Variants in MECOM observed in about 807,000 individuals in gnomAD.
The protein encoded by MECOM is MDS1 and EVI1 complex locus.
In MECOM, 13 loss-of-function variants were observed where a neutral mutation model predicts 116.3. The observed-to-expected ratio is 0.11, with a 90% CI of 0.07 to 0.18. The LOEUF (loss-of-function observed/expected upper bound fraction) is 0.18, where lower values mean the gene tolerates loss of function less well. MECOM is among the 10% of genes least tolerant of loss of function. The pLI is 1.00. For synonymous variants in MECOM, 528 were observed against 535.2 expected, an observed-to-expected ratio of 0.99 and a Z score of 0.19; for missense variants, 1,299 against 1,509.0, an observed-to-expected ratio of 0.86 and a Z score of 2.31.
intron 1 of MECOM, among the ~76,000 whole-genome samples, chr3:169,424,765 A>G (rs1426395712): frequency 6.6e-6 from 1 of 152,162 alleles, no homozygotes; most frequent in Admixed American, 6.6e-5. Context: ...TTGTACCAGA[A>G]AATATCCTAC....
chr3:169,399,687 C>G (rs1048692890), intron 1 of MECOM, among the ~76,000 whole-genome samples: 2 of 152,110 alleles, frequency 1.3e-5, no homozygotes, highest in African/African-American at 4.8e-5. Context: ...TGAGAATGAG[C>G]CTAGAGTTTG....
chr3:169,381,151 A>G (rs1368656616), intron 2 of MECOM, 36 bp downstream of exon 2: 1 of 1,523,896 alleles, frequency 6.6e-7, no homozygotes, highest in Admixed American at 1.9e-5. Context: ...ACACAGCTGC[A>G]ATATATAAAT....
intron 5 of MECOM, among the ~76,000 whole-genome samples, chr3:169,123,407 C>G (rs1030149664): frequency 6.6e-6 from 1 of 151,352 alleles, no homozygotes; most frequent in African/African-American, 2.4e-5. Context: ...GTGGATGCAA[C>G]ATTTAAGTCC....
At chr3:169,380,578 G>A (rs1560201286) in intron 2 of MECOM, among the ~76,000 whole-genome samples, 1 of 152,020 alleles carries the variant, frequency 6.6e-6, no homozygotes, top group Non-Finnish European at 1.5e-5. Flanking sequence ...CAACCATTTT[G>A]TGCGTCTGTT....
intron 1 of MECOM, among the ~76,000 whole-genome samples, chr3:169,503,051 C>T (rs918235108): frequency 6.6e-6 from 1 of 152,136 alleles, no homozygotes; most frequent in African/African-American, 2.4e-5. Flanking sequence ...CCAGGCAATT[C>T]ATTGGCATGT....
At chr3:169,142,785 A>G (rs901100356) in intron 3 of MECOM, among the ~76,000 whole-genome samples, 4 of 151,974 alleles carry the variant, frequency 2.6e-5, no homozygotes, top group Non-Finnish European at 4.4e-5. Context: ...TAAGTTTTCA[A>G]TTGGAAACAT....
At chr3:169,498,937 GTGAAGTAAAAAAT>G (rs1754174642) in intron 1 of MECOM, among the ~76,000 whole-genome samples, 1 of 151,932 alleles carries the variant, frequency 6.6e-6, no homozygotes, top group African/African-American at 2.4e-5. Context: ...ATGGAAAAGC[GTGAAGTAAAAAAT>G]TCAACACATG....
At chr3:169,307,350 G>A (rs1236167955) in intron 2 of MECOM, among the ~76,000 whole-genome samples, 2 of 152,162 alleles carry the variant, frequency 1.3e-5, no homozygotes, top group Non-Finnish European at 2.9e-5. Context: ...CCAGTACTGA[G>A]GTGGAAGGAT....
intron 1 of MECOM, among the ~76,000 whole-genome samples, chr3:169,609,458 T>G (rs1428441505): frequency 1.3e-4 from 3 of 22,552 alleles, no homozygotes; most frequent in African/African-American, 6.4e-4. Context: ...CAGTTAATCA[T>G]TTTTTTTTTT....
intron 1 of MECOM, among the ~76,000 whole-genome samples, chr3:169,429,324 G>A (rs1363144674): frequency 1.3e-5 from 2 of 152,172 alleles, no homozygotes; most frequent in Non-Finnish European, 2.9e-5. Flanking sequence ...TAGGGTTGGT[G>A]TAGAGAAGAT....
chr3:169,381,128 C>T (rs925984764), intron 2 of MECOM, 59 bp downstream of exon 2: 9 of 1,448,716 alleles, frequency 6.2e-6, no homozygotes, highest in Non-Finnish European at 8.4e-6. Flanking sequence ...GATGCTTAAA[C>T]AATCTCTTCT....
intron 2 of MECOM, among the ~76,000 whole-genome samples, chr3:169,298,771 A>G (rs1716119243): frequency 6.6e-6 from 1 of 151,908 alleles, no homozygotes; most frequent in Admixed American, 6.6e-5. Context: ...GAAACACTAC[A>G]CTCCCCTGTA....
intron 3 of MECOM, among the ~76,000 whole-genome samples, chr3:169,141,118 T>C (rs1187299604): frequency 6.6e-6 from 1 of 152,118 alleles, no homozygotes; most frequent in African/African-American, 2.4e-5. Context: ...TTATACACTC[T>C]TGTTTTGTCC....
chr3:169,402,295 C>T (rs566371514), intron 1 of MECOM, among the ~76,000 whole-genome samples: 99 of 152,194 alleles, frequency 6.5e-4, no homozygotes, highest in African/African-American at 2.3e-3. Flanking sequence ...TACTGAACAA[C>T]GAAGTGATTA....
chr3:169,121,754 A>AAGATGTGTTG (rs1731100991), intron 6 of MECOM, among the ~76,000 whole-genome samples: 1 of 152,238 alleles, frequency 6.6e-6, no homozygotes, highest in South Asian at 2.1e-4. Context: ...CTGAGAGCAA[A>AAGATGTGTTG]ACATCCCTAA....
At chr3:169,096,207 C>T (rs1488812968) in intron 12 of MECOM, among the ~76,000 whole-genome samples, 2 of 151,044 alleles carry the variant, frequency 1.3e-5, no homozygotes, top group South Asian at 2.1e-4. Context: ...TATTTGCCAT[C>T]ATTTGTTTAT....
intron 2 of MECOM, among the ~76,000 whole-genome samples, chr3:169,348,610 T>C (rs765607496): frequency 3.3e-5 from 5 of 152,010 alleles, no homozygotes; most frequent in Non-Finnish European, 5.9e-5. Context: ...TAATTACTAT[T>C]ATTATTTATT....
intron 1 of MECOM, among the ~76,000 whole-genome samples, chr3:169,654,126 C>T (rs1472737192): frequency 1.3e-5 from 2 of 152,202 alleles, no homozygotes; most frequent in African/African-American, 4.8e-5. Context: ...TATTCACTGA[C>T]AAGTCCCATG....
intron 2 of MECOM, among the ~76,000 whole-genome samples, chr3:169,329,656 GC>G (rs1722415736): frequency 1.3e-5 from 2 of 152,288 alleles, no homozygotes; most frequent in Admixed American, 6.5e-5. Flanking sequence ...AACCTACCCT[GC>G]CCCAGTATTT....
Sources: allele counts gnomAD v4.1 joint callset (sites outside exome capture counted in the v4.1 genomes callset), GRCh38; gene constraint gnomAD v4.1.1; transcripts MANE v1.5; gene names NCBI Gene and HGNC (gene_info 2026-07-23, HGNC 2026-07-21).